Variants in HMCN1 observed in about 807,000 individuals in gnomAD.
HMCN1 encodes the protein hemicentin-1.
A neutral mutation model predicts 625.9 loss-of-function variants in HMCN1; 321 were observed. The ratio of observed to expected loss-of-function variants is 0.51; its 90% CI spans 0.47 to 0.56. The LOEUF is 0.56. Among genes scored for constraint, HMCN1 ranks in the 20% least tolerant of loss-of-function variants. The pLI is 0.00. For missense variants in HMCN1, 6,588 were observed against 6,887.3 expected (o/e 0.96, Z 1.54); for synonymous variants, 2,425 against 2,417.6 (o/e 1.00, Z -0.09).
At chr1:185,930,990 C>A (rs979795050) in intron 10 of HMCN1, among the ~76,000 whole-genome samples, 80 of 151,242 alleles carry the variant, frequency 5.3e-4, no homozygotes, top group African/African-American at 1.9e-3. Flanking sequence ...AGAGCGAAAA[C>A]TTGTCAAGGG....
At chr1:185,926,199 A>G (rs919682921) in intron 9 of HMCN1, among the ~76,000 whole-genome samples, 1 of 152,170 alleles carries the variant, frequency 6.6e-6, no homozygotes, top group Non-Finnish European at 1.5e-5. Context: ...AGACTTTTAT[A>G]CTGTTAATTC....
chr1:185,830,907 G>A (rs1660818632), intron 1 of HMCN1, among the ~76,000 whole-genome samples: 1 of 151,494 alleles, frequency 6.6e-6, no homozygotes, highest in African/African-American at 2.4e-5. Context: ...AAAAAATAGT[G>A]GCTATATTAA....
intron 74 of HMCN1, 149 bp from the exon 75 acceptor site, chr1:186,115,109 C>T: frequency 7.6e-7 from 1 of 1,322,580 alleles, no homozygotes; most frequent in Non-Finnish European, 1.1e-6. Context: ...TAGTTAATAT[C>T]ATCACAGCAC....
At chr1:185,902,401 CTATCTCTATCTATCTATCTA>C (rs1273840175) in intron 4 of HMCN1, among the ~76,000 whole-genome samples, 6 of 136,218 alleles carry the variant, frequency 4.4e-5, no homozygotes, top group African/African-American at 2.0e-4. Context: ...ATCTATCTAT[CTATCTCTATCTATCTATCTA>C]TCTATCTATC....
At chr1:185,931,116 G>A (rs193012228) in intron 10 of HMCN1, among the ~76,000 whole-genome samples, 129 of 152,222 alleles carry the variant, frequency 8.5e-4, no homozygotes, top group Middle Eastern at 6.8e-3. Context: ...ACAGAACCCA[G>A]AGAAAGCAAG....
At chr1:186,116,729 A>G (rs1306949325) in intron 75 of HMCN1, among the ~76,000 whole-genome samples, 1 of 152,164 alleles carries the variant, frequency 6.6e-6, no homozygotes, top group Non-Finnish European at 1.5e-5. Flanking sequence ...ATAAGCATTT[A>G]GAGAATGTAA....
intron 1 of HMCN1, among the ~76,000 whole-genome samples, chr1:185,793,965 G>A (rs1455823269): frequency 6.6e-6 from 1 of 152,168 alleles, no homozygotes; most frequent in Non-Finnish European, 1.5e-5. Context: ...ACTGGATTTA[G>A]ATATGTTATT....
chr1:186,182,336 A>G, intron 105 of HMCN1, 49 bp downstream of exon 105: 2 of 1,609,654 alleles, frequency 1.2e-6, no homozygotes, highest in South Asian at 1.1e-5. Flanking sequence ...CTAAAAACCA[A>G]CAGAGAGTGT....
chr1:186,148,202 C>T (rs922651529), intron 93 of HMCN1, among the ~76,000 whole-genome samples: 3 of 152,174 alleles, frequency 2.0e-5, no homozygotes, highest in African/African-American at 7.2e-5. Flanking sequence ...AGCAACTCCC[C>T]ATTCATTCAA....
chr1:185,883,957 G>A (rs1321354532), intron 4 of HMCN1, among the ~76,000 whole-genome samples: 1 of 121,870 alleles, frequency 8.2e-6, no homozygotes, highest in Admixed American at 1.0e-4. Context: ...ATTAGTTATT[G>A]TTGAGTATTG....
At chr1:185,782,001 A>C (rs1657156115) in intron 1 of HMCN1, among the ~76,000 whole-genome samples, 1 of 152,160 alleles carries the variant, frequency 6.6e-6, no homozygotes, top group East Asian at 1.9e-4. Flanking sequence ...GTAGGTCTCT[A>C]AGGACTTGTT....
At chr1:186,006,236 A>G (rs988502988) in intron 29 of HMCN1, among the ~76,000 whole-genome samples, 1 of 152,142 alleles carries the variant, frequency 6.6e-6, no homozygotes, top group Non-Finnish European at 1.5e-5. Context: ...GAAATAGTAA[A>G]ATATGCTACC....
intron 63 of HMCN1, among the ~76,000 whole-genome samples, chr1:186,089,626 A>C (rs1435615939): frequency 6.6e-6 from 1 of 152,024 alleles, no homozygotes; most frequent in Non-Finnish European, 1.5e-5. Flanking sequence ...ATGCATTAAT[A>C]ATAACAGATG....
At position 185,734,707 on chromosome 1, in the gene HMCN1, C is replaced by T. The variant is rs1412669067; in HGVS notation, c.-73C>T. 6.9e-6 allele frequency: 10 copies of T among 1,454,460 alleles called. No individual in the cohort carries two copies. Among genetic ancestry groups the T allele is most frequent in the Non-Finnish European group, 9.6e-6 (10 of 1,039,272 alleles). The allele number at this position is 1,454,460 out of a possible 1,614,324, so 90.1% of individuals were successfully genotyped here. A position where few individuals can be genotyped will look rare whatever the true frequency, so the allele number is the denominator to read the frequency against. ...ATGAGTTACTCTGAGAGGAAACCCT[C>T]TGCCTGTTGTTGAGGAGGACTGAGC... is the stretch of plus-strand genomic sequence containing the variant. On this transcript the variant is annotated 5_prime_UTR_variant, in exon 1 of 107. Coordinates refer to ENST00000271588, the MANE Select transcript of HMCN1 (RefSeq NM_031935.3).
At chr1:186,005,683 A>G (rs1340740600) in intron 29 of HMCN1, among the ~76,000 whole-genome samples, 1 of 152,186 alleles carries the variant, frequency 6.6e-6, no homozygotes, top group Admixed American at 6.5e-5. Context: ...GAAGTCTGGA[A>G]AGCAGACTCA....
intron 11 of HMCN1, among the ~76,000 whole-genome samples, chr1:185,953,576 A>T (rs1649394240): frequency 6.6e-6 from 1 of 151,834 alleles, no homozygotes; most frequent in African/African-American, 2.4e-5. Context: ...AGGTTGAAGG[A>T]TAGGGAGGTT....
chr1:185,857,606 A>G (rs896839878), intron 2 of HMCN1, among the ~76,000 whole-genome samples: 6 of 152,164 alleles, frequency 3.9e-5, no homozygotes, highest in African/African-American at 1.4e-4. Context: ...GATCAAACAT[A>G]GGGGGAGTTA....
Position 186,172,028 on chromosome 1 carries a change from T to C in HMCN1, c.15711T>C (p.Asn5237=). The change falls in exon 102 of 107, where the codon AAT becomes AAC. Residue 5237 remains asparagine, a synonymous_variant. Coordinates refer to ENST00000271588, the MANE Select transcript of HMCN1 (RefSeq NM_031935.3). ...KCMDVNECRQ[N]VCRPDQHCKN... ...AAGATGTGAACGAGTGTAGACAAAA[T>C]GTATGCAGACCAGATCAGCACTGTA... 1.2e-6 allele frequency: 2 copies of C among 1,613,588 alleles called. No individual in the cohort carries two copies. The highest frequency in any genetic ancestry group is 1.7e-6 in the Non-Finnish European group (2 of 1,179,638).
intron 1 of HMCN1, among the ~76,000 whole-genome samples, chr1:185,815,308 A>G (rs994885810): frequency 6.7e-6 from 1 of 150,262 alleles, no homozygotes; most frequent in Non-Finnish European, 1.5e-5. Flanking sequence ...GAAATTTGTC[A>G]TCCTAAAGTT....
Sources: allele counts gnomAD v4.1 joint callset (sites outside exome capture counted in the v4.1 genomes callset), GRCh38; gene constraint gnomAD v4.1.1; transcripts MANE v1.5; gene names NCBI Gene and HGNC (gene_info 2026-07-23, HGNC 2026-07-21).